CNTNAP2: variants seen among roughly 807,000 people sequenced by gnomAD.
CNTNAP2 encodes the protein contactin-associated protein-like 2.
Under a neutral mutation model 155.2 loss-of-function variants are expected in CNTNAP2, and 98 were observed. That is an observed-to-expected ratio of 0.63 (90% confidence interval 0.54 to 0.75). CNTNAP2 has a LOEUF of 0.75. Ranked by LOEUF, CNTNAP2 falls within the 30% of genes least tolerant of loss-of-function variation. The pLI is 0.00. For missense variants in CNTNAP2, 1,727 were observed against 1,688.1 expected, an observed-to-expected ratio of 1.02 and a Z score of -0.40; for synonymous variants, 651 against 631.2, an observed-to-expected ratio of 1.03 and a Z score of -0.47.
At chr7:147,945,868 C>CTTTTTTT (rs34305612) in intron 14 of CNTNAP2, among the ~76,000 whole-genome samples, 42 of 123,340 alleles carry the variant, frequency 3.4e-4, no homozygotes, top group Non-Finnish European at 5.0e-4. Flanking sequence ...TTTTCTTTTT[C>CTTTTTTT]TTTTTTTTTT....
At chr7:146,500,070 T>C (rs1462875120) in intron 1 of CNTNAP2, among the ~76,000 whole-genome samples, 1 of 152,236 alleles carries the variant, frequency 6.6e-6, no homozygotes, top group Non-Finnish European at 1.5e-5. Context: ...GCCATCTTGC[T>C]GAACTCATTT....
intron 3 of CNTNAP2, among the ~76,000 whole-genome samples, chr7:146,948,402 A>C (rs1337739519): frequency 6.6e-6 from 1 of 152,108 alleles, no homozygotes; most frequent in Non-Finnish European, 1.5e-5. Context: ...ATGTTAAAAT[A>C]ATTTCTGTTA....
intron 3 of CNTNAP2, among the ~76,000 whole-genome samples, chr7:146,841,887 CTT>C (rs71929031): frequency 1.4e-5 from 2 of 145,848 alleles, no homozygotes; most frequent in Non-Finnish European, 1.5e-5. Context: ...GTCTTGGAGT[CTT>C]TTTTTTTTTT....
intron 15 of CNTNAP2, among the ~76,000 whole-genome samples, chr7:148,114,982 A>C (rs1467436515): frequency 2.6e-5 from 4 of 152,206 alleles, no homozygotes; most frequent in Admixed American, 6.5e-5. Context: ...TCTGGATTTA[A>C]TAAGCTCATC....
At chr7:148,061,920 T>TATAGATAGAGAG (rs1803145024) in intron 15 of CNTNAP2, among the ~76,000 whole-genome samples, 1 of 125,408 alleles carries the variant, frequency 8.0e-6, no homozygotes, top group Non-Finnish European at 1.7e-5. Context: ...GATAAACAGA[T>TATAGATAGAGAG]ATAGATAGAT....
At chr7:147,748,399 G>A (rs570765875) in intron 13 of CNTNAP2, among the ~76,000 whole-genome samples, 1 of 152,180 alleles carries the variant, frequency 6.6e-6, no homozygotes, top group African/African-American at 2.4e-5. Flanking sequence ...TATGAGAGTT[G>A]AAAGGTAAGT....
intron 13 of CNTNAP2, among the ~76,000 whole-genome samples, chr7:147,659,270 T>G (rs1795577975): frequency 6.6e-6 from 1 of 152,232 alleles, no homozygotes; most frequent in Admixed American, 6.5e-5. Flanking sequence ...CTTGAATTTT[T>G]GCTCCCCATG....
At chr7:147,460,225 C>T (rs947650338) in intron 10 of CNTNAP2, among the ~76,000 whole-genome samples, 28 of 152,136 alleles carry the variant, frequency 1.8e-4, no homozygotes, top group African/African-American at 4.8e-4. Context: ...AAAATGTATA[C>T]GCAGACTCGT....
chr7:147,159,005 G>A (rs1801976887), intron 8 of CNTNAP2, among the ~76,000 whole-genome samples: 1 of 152,074 alleles, frequency 6.6e-6, no homozygotes, highest in Non-Finnish European at 1.5e-5. Context: ...ATTTGACAGA[G>A]GAAGTAACAT....
intron 3 of CNTNAP2, among the ~76,000 whole-genome samples, chr7:147,018,595 G>A (rs761324665): frequency 8.6e-5 from 13 of 151,992 alleles, no homozygotes; most frequent in Middle Eastern, 3.2e-3. Context: ...AACTGAAATT[G>A]TATTCACATT....
intron 1 of CNTNAP2, among the ~76,000 whole-genome samples, chr7:146,532,027 T>C (rs576779131): frequency 9.3e-5 from 14 of 151,160 alleles, no homozygotes; most frequent in African/African-American, 2.9e-4. Context: ...AAAAGAAAAA[T>C]AAAAATTACA....
chr7:147,985,851 C>T (rs1801610228), intron 15 of CNTNAP2, among the ~76,000 whole-genome samples: 1 of 152,116 alleles, frequency 6.6e-6, no homozygotes, highest in African/African-American at 2.4e-5. Flanking sequence ...TCAGCTTCTG[C>T]CCTTAGGGCA....
chr7:148,418,098 C>CTAAG lies in CNTNAP2; in HGVS notation c.*2484_*2487dup, dbSNP rs1339994045. On this transcript the variant is annotated 3_prime_UTR_variant, in exon 24 of 24. Transcript: ENST00000361727. ...AAACGGTGGATAAAGTATTAAGTAA[C>CTAAG]TAAGTGCCAAATAAATGCTGGAAAT... The CTAAG allele has an allele frequency of 6.6e-6, 1 of 152,216 alleles. No individual in the cohort carries two copies. Among genetic ancestry groups the CTAAG allele is most frequent in the African/African-American group, 2.4e-5 (1 of 41,446 alleles). The allele number at this position is 152,216 out of a possible 1,614,324, so 9.4% of individuals were successfully genotyped here.
chr7:146,917,033 G>A (rs774393858), intron 3 of CNTNAP2, among the ~76,000 whole-genome samples: 1 of 152,066 alleles, frequency 6.6e-6, no homozygotes, highest in Admixed American at 6.6e-5. Context: ...TTATCATTCA[G>A]TTCAAAGAAA....
chr7:146,781,030 C>T (rs1802476919), intron 2 of CNTNAP2, among the ~76,000 whole-genome samples: 1 of 151,904 alleles, frequency 6.6e-6, no homozygotes, highest in African/African-American at 2.4e-5. Context: ...AGATCCAGAC[C>T]ATCCTGGCTA....
At chr7:147,029,551 T>G (rs974493922) in intron 3 of CNTNAP2, among the ~76,000 whole-genome samples, 3 of 106,392 alleles carry the variant, frequency 2.8e-5, no homozygotes, top group Admixed American at 2.3e-4. Context: ...TAAAAAGGGT[T>G]TTTTTTTTTT....
chr7:147,998,627 T>C (rs1489735685), intron 15 of CNTNAP2, among the ~76,000 whole-genome samples: 1 of 151,666 alleles, frequency 6.6e-6, no homozygotes, highest in Admixed American at 6.6e-5. Context: ...ATTGGTGGAG[T>C]GGGTAGAAGG....
chr7:147,033,573 C>G (rs1799086653), intron 3 of CNTNAP2, among the ~76,000 whole-genome samples: 1 of 151,668 alleles, frequency 6.6e-6, no homozygotes, highest in Non-Finnish European at 1.5e-5. Flanking sequence ...TTTTGTACAT[C>G]CAGAAATAAC....
rs73739697 is a variant in CNTNAP2, at chr7:146,688,658, T to G, written c.98-85613T>G. Among the ~76,000 whole-genome samples, 181 of 152,210 alleles carry G rather than the reference T, an allele frequency of 1.2e-3. 2 individuals carry two copies. Among genetic ancestry groups the G allele is most frequent in the African/African-American group, 4.1e-3 (169 of 41,524 alleles). ...GAATGTCATCAGTTAAGACAGGAAC[T>G]GGCTATTTTTCACTTTTGTCGTTCT... On this transcript the variant is annotated intron_variant, in intron 1 of 23. Coordinates refer to ENST00000361727, the MANE Select transcript of CNTNAP2 (RefSeq NM_014141.6).
Sources: gnomAD v4.1 joint callset for allele counts (sites outside exome capture counted in the v4.1 genomes callset) on GRCh38, gnomAD v4.1.1 for gene constraint, MANE v1.5 for transcripts, NCBI Gene and HGNC (gene_info 2026-07-23, HGNC 2026-07-21) for gene names.